DAB1: variants seen among roughly 807,000 people sequenced by gnomAD.
DAB1 encodes DAB adaptor protein 1.
A neutral mutation model predicts 64.6 loss-of-function variants in DAB1; 15 were observed. The observed-to-expected ratio is 0.23, with a 90% CI of 0.16 to 0.36. The LOEUF is 0.36. DAB1 is among the 10% of genes least tolerant of loss of function. The pLI is 1.00. For synonymous variants in DAB1, 235 were observed against 251.9 expected, an observed-to-expected ratio of 0.93 and a Z score of 0.64; for missense variants, 596 against 706.7, an observed-to-expected ratio of 0.84 and a Z score of 1.78.
intron 2 of DAB1, among the ~76,000 whole-genome samples, chr1:57,169,692 C>T (rs577151838): frequency 2.6e-4 from 39 of 152,300 alleles, no homozygotes; most frequent in African/African-American, 9.4e-4. Context: ...ACTAATCAGG[C>T]TCCTTATCCT....
chr1:57,918,595 C>A (rs1017946526), intron 5 of DAB1, among the ~76,000 whole-genome samples: 1 of 152,042 alleles, frequency 6.6e-6, no homozygotes, highest in African/African-American at 2.4e-5. Flanking sequence ...GAGGCCGGGG[C>A]GGGCAGATCA....
chr1:58,183,172 G>A (rs1248628158), intron 4 of DAB1, among the ~76,000 whole-genome samples: 1 of 151,992 alleles, frequency 6.6e-6, no homozygotes, highest in Admixed American at 6.6e-5. Flanking sequence ...TAAACATCTT[G>A]ATTCAGTAAC....
intron 3 of DAB1, among the ~76,000 whole-genome samples, chr1:58,490,733 C>G (rs886914197): frequency 6.7e-5 from 10 of 148,602 alleles, no homozygotes; most frequent in African/African-American, 2.5e-4. Context: ...ATCAGACTAA[C>G]AGCGGATCTC....
At chr1:57,373,013 G>GA (rs11387419) in intron 1 of DAB1, among the ~76,000 whole-genome samples, 34,817 of 146,636 alleles carry the variant, frequency 0.24, 4,302 homozygotes, top group African/African-American at 0.3. Flanking sequence ...TACGTCTCTA[G>GA]AAAAAAAAAA....
chr1:57,295,496 A>G (rs1673119181), intron 1 of DAB1, among the ~76,000 whole-genome samples: 1 of 152,176 alleles, frequency 6.6e-6, no homozygotes, highest in South Asian at 2.1e-4. Flanking sequence ...TTTATCAACA[A>G]GGCCCAAAGG....
intron 3 of DAB1, among the ~76,000 whole-genome samples, chr1:58,376,578 T>C (rs1411137332): frequency 2.7e-5 from 4 of 147,640 alleles, no homozygotes; most frequent in African/African-American, 7.6e-5. Flanking sequence ...TTACATTTGC[T>C]GAGGAGAGCT....
At chr1:57,561,976 CT>C (rs1645058006) in intron 7 of DAB1, among the ~76,000 whole-genome samples, 1 of 152,250 alleles carries the variant, frequency 6.6e-6, no homozygotes. Context: ...ACATGCAATG[CT>C]TCTGCCAAAA....
chr1:57,851,950 G>C (rs1465756228), intron 1 of DAB1, among the ~76,000 whole-genome samples: 3 of 152,084 alleles, frequency 2.0e-5, no homozygotes, highest in Non-Finnish European at 4.4e-5. Flanking sequence ...CCACCTCTTT[G>C]CTCCCTTGGG....
chr1:57,942,643 T>C (rs1000374675), intron 5 of DAB1, among the ~76,000 whole-genome samples: 1 of 152,152 alleles, frequency 6.6e-6, no homozygotes, highest in Non-Finnish European at 1.5e-5. Context: ...TCATCTTTCC[T>C]GTGGGCTGCA....
At chr1:57,256,027 C>T (rs186924095) in intron 2 of DAB1, among the ~76,000 whole-genome samples, 1 of 152,304 alleles carries the variant, frequency 6.6e-6, no homozygotes, top group East Asian at 1.9e-4. Context: ...AAGGAACCGA[C>T]ATGTGTGTTA....
Position 57,391,336 on chromosome 1 carries a change from G to C in DAB1, c.-137+32594C>G, listed in dbSNP as rs1682336544. On this transcript the variant is annotated intron_variant, in intron 1 of 14. Coordinates refer to ENST00000371236, the MANE Select transcript of DAB1 (RefSeq NM_001365792.1). Reference sequence around the variant, plus strand: ...CTGTTACTTCTTCATGATCTATTTTGTTGCAAGGATATAGCATTAATGAGC... The same window carrying C: ...CTGTTACTTCTTCATGATCTATTTTCTTGCAAGGATATAGCATTAATGAGC... 6.6e-5 allele frequency among the ~76,000 whole-genome samples: 10 copies of C among 152,246 alleles called. No homozygotes were observed. In the South Asian group the frequency reaches 2.1e-3, roughly 32 times the overall value.
chr1:57,357,817 A>G (rs1679238655), intron 1 of DAB1, among the ~76,000 whole-genome samples: 1 of 151,650 alleles, frequency 6.6e-6, no homozygotes, highest in Admixed American at 6.6e-5. Context: ...ATGAGAACTC[A>G]CTCACTATCA....
chr1:58,535,447 T>C (rs1646501336), intron 1 of DAB1, among the ~76,000 whole-genome samples: 1 of 151,842 alleles, frequency 6.6e-6, no homozygotes, highest in East Asian at 1.9e-4. Context: ...AATACAAAAA[T>C]TGGCCAGGCG....
At chr1:58,334,570 G>A (rs60562009) in intron 4 of DAB1, among the ~76,000 whole-genome samples, 2 of 149,840 alleles carry the variant, frequency 1.3e-5, no homozygotes, top group Non-Finnish European at 3.0e-5. Flanking sequence ...ACAGGCAATA[G>A]AGCCTTTGAG....
Position 58,360,959 on chromosome 1 carries a change from G to T in DAB1, n.258-17556C>A, listed in dbSNP as rs554963080. ...GCTTTATTAAAATTAAACTATTTTT[G>T]TGAGCGTTTTCCCCATGTCATGAAA... On this transcript the variant is annotated intron_variant and non_coding_transcript_variant, in intron 3 of 20. Coordinates refer to the DAB1 transcript ENST00000485760. 2.2e-4 allele frequency among the ~76,000 whole-genome samples: 34 copies of T among 152,134 alleles called. 1 individual carries two copies. The highest frequency in any genetic ancestry group is 8.0e-4 in the African/African-American group (33 of 41,506).
intron 5 of DAB1, among the ~76,000 whole-genome samples, chr1:57,919,498 G>C (rs759857277): frequency 8.5e-5 from 13 of 152,204 alleles, no homozygotes; most frequent in Non-Finnish European, 1.8e-4. Context: ...ACTTTCCAGA[G>C]TCCAGAAGTA....
chr1:58,049,585 T>TATTTTGGAATAGAAGAAAGAGCATGG (rs1198742793), intron 5 of DAB1, among the ~76,000 whole-genome samples: 1 of 152,184 alleles, frequency 6.6e-6, no homozygotes, highest in African/African-American at 2.4e-5. Flanking sequence ...TGGAGAAAAT[T>TATTTTGGAATAGAAGAAAGAGCATGG]ATTTTGGAAT....
intron 5 of DAB1, among the ~76,000 whole-genome samples, chr1:58,007,754 C>T (rs886683273): frequency 3.3e-5 from 5 of 152,116 alleles, no homozygotes; most frequent in Non-Finnish European, 5.9e-5. Context: ...AGGGTCTGGA[C>T]GCTGTTCACT....
At chr1:58,484,368 A>G (rs1249054748) in intron 3 of DAB1, among the ~76,000 whole-genome samples, 1 of 152,244 alleles carries the variant, frequency 6.6e-6, no homozygotes, top group Admixed American at 6.5e-5. Context: ...AAGCACAGGT[A>G]GATTATACTT....
Sources: allele counts gnomAD v4.1 joint callset (sites outside exome capture counted in the v4.1 genomes callset), GRCh38; gene constraint gnomAD v4.1.1; transcripts MANE v1.5; gene names NCBI Gene and HGNC (gene_info 2026-07-23, HGNC 2026-07-21).